PLEKHG4B: variants seen among roughly 807,000 people sequenced by gnomAD.
The protein encoded by PLEKHG4B is pleckstrin homology domain-containing family G member 4B.
In PLEKHG4B, 111 loss-of-function variants were observed where a neutral mutation model predicts 121.3. The observed-to-expected ratio is 0.92, with a 90% CI of 0.78 to 1.07. PLEKHG4B has a LOEUF of 1.07. Ranked by LOEUF, PLEKHG4B falls within the 50% of genes least tolerant of loss-of-function variation. The pLI, the probability that PLEKHG4B is intolerant of heterozygous loss-of-function variation, is 0.00. For missense variants in PLEKHG4B, 1,831 were observed against 1,757.8 expected (o/e 1.04, Z -0.74); for synonymous variants, 738 against 725.0 (o/e 1.02, Z -0.29).
At position 108,271 on chromosome 5, in the gene PLEKHG4B, G is replaced by A. The variant is rs112512784; in HGVS notation, c.46-4980G>A. 3.1e-3 allele frequency among the ~76,000 whole-genome samples: 474 copies of A among 152,322 alleles called. 1 individual carries two copies. Among genetic ancestry groups the A allele is most frequent in the African/African-American group, 0.01 (421 of 41,560 alleles). On this transcript the variant is annotated intron_variant, in intron 1 of 19. Transcript: ENST00000637938. The stretch of plus-strand genomic sequence containing the variant: ...GTGATTGCTGAACTCTTCAAAGAAC[G>A]TAGAACAGAAACCCAGAGAGGCAAG...
intron 1 of PLEKHG4B, among the ~76,000 whole-genome samples, chr5:101,390 G>A (rs1733806043): frequency 8.1e-6 from 1 of 122,850 alleles, no homozygotes. Flanking sequence ...TCCATATAAA[G>A]CCCTGGAAAA....
At chr5:119,471 A>C (rs1316425472) in intron 2 of PLEKHG4B, among the ~76,000 whole-genome samples, 1 of 152,168 alleles carries the variant, frequency 6.6e-6, no homozygotes, top group African/African-American at 2.4e-5. Context: ...CAAAACCACC[A>C]AGGAAATTGT....
rs373602190 is a variant in PLEKHG4B, at chr5:122,545, G to A, written c.243+9097G>A. 3.2e-3 allele frequency among the ~76,000 whole-genome samples: 488 copies of A among 151,954 alleles called. 2 individuals are homozygous for A. The highest frequency in any genetic ancestry group is 0.01 in the Middle Eastern group (3 of 294). On this transcript the variant is annotated intron_variant, in intron 2 of 19. Transcript: ENST00000637938. ...AGCAGTTCTCCTGCCTCAGCCTCCC[G>A]AATAGCTGGGATTACAGGCATCCAC...
chr5:178,347 A>G (rs547739657), intron 18 of PLEKHG4B, among the ~76,000 whole-genome samples: 12 of 152,182 alleles, frequency 7.9e-5, no homozygotes, highest in African/African-American at 2.9e-4. Context: ...TGCCCTGCTC[A>G]TGCCTGTCTA....
chr5:171,435 C>T lies in PLEKHG4B; in HGVS notation c.4041C>T (p.Arg1347=), dbSNP rs116602351. The T allele has an allele frequency of 4.0e-3, 6,388 of 1,593,374 alleles. 12 individuals are homozygous for T. The highest frequency in any genetic ancestry group is 4.7e-3 in the Non-Finnish European group (5,495 of 1,172,618). Residue 1347 remains arginine, a synonymous_variant, in exon 16 of 20, where the codon CGC becomes CGT. Transcript: ENST00000637938. ...GNDLLAMDAI[R]GCDVNLKEQG... ...ACCTGCTGGCCATGGACGCCATCCG[C>T]GGCTGTGACGTAAGTGCCTCAGACG...
intron 2 of PLEKHG4B, among the ~76,000 whole-genome samples, chr5:125,449 T>C (rs1428108005): frequency 6.6e-6 from 1 of 152,140 alleles, no homozygotes; most frequent in Non-Finnish European, 1.5e-5. Flanking sequence ...ATTAATAACA[T>C]AAAAAAATTC....
intron 6 of PLEKHG4B, among the ~76,000 whole-genome samples, chr5:148,926 A>G (rs1579290765): frequency 1.3e-5 from 2 of 152,236 alleles, no homozygotes; most frequent in African/African-American, 4.8e-5. Flanking sequence ...AATCATATAC[A>G]TAAATGATTT....
chr5:188,155 C>G lies in PLEKHG4B; in HGVS notation c.*5832C>G, dbSNP rs1230787254. On this transcript the variant is annotated 3_prime_UTR_variant, in exon 20 of 20. Coordinates refer to ENST00000637938, the MANE Select transcript of PLEKHG4B (RefSeq NM_052909.5). Reference sequence around the variant, plus strand: ...GGCTGGCGGCGCTGGTGTGCCTGCCCTGGGCCTTCAGCAGCCCCCATAAGG... The same window carrying G: ...GGCTGGCGGCGCTGGTGTGCCTGCCGTGGGCCTTCAGCAGCCCCCATAAGG... 6.6e-6 allele frequency: 1 copy of G among 152,464 alleles called. No homozygotes were observed. The highest frequency in any genetic ancestry group is 1.5e-5 in the Non-Finnish European group (1 of 68,252). 9.4% of individuals were successfully genotyped at this position (152,464 alleles called of 1,614,324 possible). A position where few individuals can be genotyped will look rare whatever the true frequency, so the allele number is the denominator to read the frequency against.
In PLEKHG4B at chr5:163,520, G is replaced by A; in HGVS notation, c.3448G>A (p.Glu1150Lys). 6.2e-7 allele frequency: 1 copy of A among 1,608,012 alleles called. No individual in the cohort carries two copies. Among genetic ancestry groups the A allele is most frequent in the African/African-American group, 1.3e-5 (1 of 74,894 alleles). ...LSSPSGLHPA[E>K]EDGRQQVGSS... Reference sequence around the variant, plus strand: ...CTCCCCCTCGGGGCTCCACCCTGCTGAGGAGGATGGGAGGCAGCAGGTGGG... The same window carrying A: ...CTCCCCCTCGGGGCTCCACCCTGCTAAGGAGGATGGGAGGCAGCAGGTGGG... The change falls in exon 13 of 20, where the codon GAG becomes AAG. Residue 1150 changes from glutamate to lysine, a missense_variant. By Grantham distance (56) the Glu-to-Lys change is moderately conservative. Transcript: ENST00000637938.
Position 156,432 on chromosome 5 carries a change from G to A in PLEKHG4B, c.2348+222G>A, listed in dbSNP as rs1210796631. Among the ~76,000 whole-genome samples, 1 of 151,572 alleles carries A rather than the reference G, an allele frequency of 6.6e-6. No homozygotes were observed. Among genetic ancestry groups the A allele is most frequent in the African/African-American group, 2.4e-5 (1 of 41,286 alleles). The stretch of plus-strand genomic sequence containing the variant: ...TTCTGGGGATGCTCGGCAGGAGGTG[G>A]TCAGAGTGCATCAGAATGAGCTCAT... On this transcript the variant is annotated intron_variant, in intron 10 of 19. Transcript: ENST00000637938. The surrounding 1 kb of genome is among the most constrained non-coding windows in gnomAD (Gnocchi z 4.4).
chr5:158,623 G>T (rs1442255847), intron 11 of PLEKHG4B, among the ~76,000 whole-genome samples: 1 of 138,220 alleles, frequency 7.2e-6, no homozygotes, highest in African/African-American at 2.8e-5. Flanking sequence ...CCTTGGGGGG[G>T]TCTCCCCCAT....
At position 173,100 on chromosome 5, in the gene PLEKHG4B, C is replaced by T. The variant is rs140242499; in HGVS notation, c.4221+33C>T. 68 of 1,602,852 alleles carry T rather than the reference C, an allele frequency of 4.2e-5. No homozygotes were observed. The African/African-American group carries it at 5.5e-4, about 13-fold the overall frequency. On this transcript the variant is annotated intron_variant, in intron 17 of 19. Coordinates refer to ENST00000637938, the MANE Select transcript of PLEKHG4B (RefSeq NM_052909.5). The stretch of plus-strand genomic sequence containing the variant: ...CCGCCCGGTCCGATTGGGTGCAGGC[C>T]GAGCCAGGCCCTCCAAGGGGGTCTC...
chr5:152,009 A>G (rs746019570), intron 7 of PLEKHG4B, among the ~76,000 whole-genome samples: 14 of 152,242 alleles, frequency 9.2e-5, no homozygotes, highest in Admixed American at 5.9e-4. Context: ...AAAGTTCATC[A>G]TAATTCAGAT....
In PLEKHG4B at chr5:187,138, CA is replaced by C. The variant is rs1733648736; in HGVS notation, c.*4816del. 6.6e-6 allele frequency: 1 copy of C among 152,432 alleles called. No homozygotes were observed. The highest frequency in any genetic ancestry group is 1.5e-5 in the Non-Finnish European group (1 of 68,256). 9.4% of individuals were successfully genotyped at this position (152,432 alleles called of 1,614,324 possible). A position where few individuals can be genotyped will look rare whatever the true frequency, so the allele number is the denominator to read the frequency against. On this transcript the variant is annotated 3_prime_UTR_variant, in exon 20 of 20. Transcript: ENST00000637938. ...TCGTGGATGAGTCTACAAGGCTCCCCAGTGCCCAGCAAGAGTGTTTTTACAT... is the reference window on the plus strand; with the variant it reads ...TCGTGGATGAGTCTACAAGGCTCCCCGTGCCCAGCAAGAGTGTTTTTACAT...
At chr5:166,489 G>A (rs1314385097) in intron 13 of PLEKHG4B, among the ~76,000 whole-genome samples, 9 of 64,230 alleles carry the variant, frequency 1.4e-4, no homozygotes, top group South Asian at 5.4e-4. Flanking sequence ...GACGGGGCGG[G>A]GCTCACAGTA....
In PLEKHG4B at chr5:140,666, G is replaced by T. The variant is rs143686104; in HGVS notation, c.1427G>T (p.Gly476Val). ...GGCCACCTAGGAGGACAAGCTGTGG[G>T]GACCCCAAACTGTGTCCCAGTAGAG... The part of the protein sequence containing the change: ...PGGHLGGQAV[G>V]TPNCVPVEGP... Residue 476 changes from glycine to valine, a missense_variant, in exon 3 of 20, where the codon GGG (glycine) becomes GTG (valine). Gly to Val is a moderately radical substitution (Grantham distance 109). Transcript: ENST00000637938. The T allele has an allele frequency of 3.1e-6, 5 of 1,605,492 alleles. No homozygotes were observed. The South Asian group carries it at 5.5e-5, about 18-fold the overall frequency.
intron 18 of PLEKHG4B, 95 bp from the exon 19 acceptor site, chr5:181,419 G>C: frequency 2.2e-6 from 3 of 1,344,218 alleles, no homozygotes; most frequent in Non-Finnish European, 3.1e-6. Flanking sequence ...ACACCCTCCT[G>C]GTTTGGGCTG....
chr5:162,637 C>CT (rs1736056018), intron 12 of PLEKHG4B, 85 bp from the exon 13 acceptor site: 1 of 1,041,166 alleles, frequency 9.6e-7, no homozygotes, highest in Non-Finnish European at 1.3e-6. Context: ...CCTGAATAGG[C>CT]TGACCTGGGG....
chr5:118,710 A>G (rs982292412), intron 2 of PLEKHG4B, among the ~76,000 whole-genome samples: 10 of 152,156 alleles, frequency 6.6e-5, no homozygotes, highest in Admixed American at 1.3e-4. Flanking sequence ...GAGGTTTACA[A>G]TGTACTTTGC....
Sources: gnomAD v4.1 joint callset for allele counts (sites outside exome capture counted in the v4.1 genomes callset) on GRCh38, gnomAD v4.1.1 for gene constraint, Gnocchi (gnomAD v3.1) non-coding constraint, MANE v1.5 for transcripts, NCBI Gene and HGNC (gene_info 2026-07-23, HGNC 2026-07-21) for gene names.